UNC13B: variants seen among roughly 807,000 people sequenced by gnomAD.
The protein encoded by UNC13B is unc-13 homolog B.
Under a neutral mutation model 211.0 loss-of-function variants are expected in UNC13B, and 144 were observed. The observed-to-expected ratio is 0.68, with a 90% CI of 0.60 to 0.78. UNC13B has a LOEUF of 0.78. Among genes scored for constraint, UNC13B ranks in the 30% least tolerant of loss-of-function variants. The pLI is 0.00. For missense variants in UNC13B, 1,777 were observed against 2,002.0 expected (o/e 0.89, Z 2.14); for synonymous variants, 709 against 725.8 (o/e 0.98, Z 0.37).
intron 13 of UNC13B, among the ~76,000 whole-genome samples, chr9:35,372,434 G>C (rs1334452912): frequency 6.6e-6 from 1 of 152,258 alleles, no homozygotes; most frequent in Non-Finnish European, 1.5e-5. Flanking sequence ...GCTTGGGCTT[G>C]GCAGATACAT....
chr9:35,341,648 A>C (rs1212079072), intron 11 of UNC13B, among the ~76,000 whole-genome samples: 1 of 152,170 alleles, frequency 6.6e-6, no homozygotes, highest in Non-Finnish European at 1.5e-5. Context: ...GGAGGAGAAG[A>C]ACGAGGGAAG....
chr9:35,288,112 G>T (rs917639484), intron 7 of UNC13B, among the ~76,000 whole-genome samples: 2 of 151,790 alleles, frequency 1.3e-5, no homozygotes, highest in African/African-American at 4.8e-5. Flanking sequence ...TACCCACTCT[G>T]CCACTTCCCT....
chr9:35,295,016 A>G lies in UNC13B; in HGVS notation c.527-680A>G, dbSNP rs567899770. Among the ~76,000 whole-genome samples the G allele has an allele frequency of 2.0e-5, 3 of 152,340 alleles. 1 individual carries two copies. The South Asian group carries it at 6.2e-4, about 32-fold the overall frequency. ...CATAAGTTTTTTCTTCTCTCAGCCCATCCTCTGGATGGGAATTCTGAGCCT... is the reference window on the plus strand; with the variant it reads ...CATAAGTTTTTTCTTCTCTCAGCCCGTCCTCTGGATGGGAATTCTGAGCCT... On this transcript the variant is annotated intron_variant, in intron 7 of 39. Transcript: ENST00000635942.
At chr9:35,389,587 C>T (rs975153043) in intron 24 of UNC13B, among the ~76,000 whole-genome samples, 3 of 152,192 alleles carry the variant, frequency 2.0e-5, no homozygotes, top group African/African-American at 4.8e-5. Flanking sequence ...GGAGGATGGG[C>T]ATCCTTATGT....
chr9:35,190,540 T>C (rs1822597095), intron 1 of UNC13B, among the ~76,000 whole-genome samples: 1 of 152,126 alleles, frequency 6.6e-6, no homozygotes, highest in African/African-American at 2.4e-5. Flanking sequence ...GAAAACAGTT[T>C]TTTTTTCTTC....
At chr9:35,366,793 A>G (rs147761374) in intron 11 of UNC13B, among the ~76,000 whole-genome samples, 154 bp from the exon 12 acceptor site, 120 of 152,204 alleles carry the variant, frequency 7.9e-4, no homozygotes, top group African/African-American at 2.8e-3. Flanking sequence ...GCCCTGACTG[A>G]TCAGGACATT....
At chr9:35,384,095 T>C in intron 21 of UNC13B, 151 bp from the exon 22 acceptor site, 1 of 1,257,968 alleles carries the variant, frequency 7.9e-7, no homozygotes. Flanking sequence ...TTACACTGTT[T>C]GTTGTTCTTC....
chr9:35,202,675 T>G (rs186621523), intron 1 of UNC13B, among the ~76,000 whole-genome samples: 1 of 152,328 alleles, frequency 6.6e-6, no homozygotes, highest in East Asian at 1.9e-4. Flanking sequence ...TTGCAACCTT[T>G]GCTTTTTTTT....
chr9:35,336,721 T>G (rs1831682306), intron 11 of UNC13B, among the ~76,000 whole-genome samples: 1 of 152,200 alleles, frequency 6.6e-6, no homozygotes, highest in Non-Finnish European at 1.5e-5. Flanking sequence ...CTTCATGATC[T>G]GTTCACCTCC....
chr9:35,385,793 A>G lies in UNC13B; in HGVS notation c.10945A>G (p.Ile3649Val). The G allele has an allele frequency of 6.2e-7, 1 of 1,609,026 alleles. No homozygotes were observed. Among genetic ancestry groups the G allele is most frequent in the Non-Finnish European group, 8.5e-7 (1 of 1,175,706 alleles). Residue 3649 changes from isoleucine (I) to valine (V), a missense_variant, in exon 23 of 40, where the codon ATT becomes GTT. Ile to Val is a conservative substitution (Grantham distance 29). Coordinates refer to ENST00000635942, the MANE Select transcript of UNC13B (RefSeq NM_001371189.2). ...ATCCACAGTGGATTTGCTGACCAGC[A>G]TTACTTTCTTCAGAATGAAGGTAAG... ...LKSTVDLLTS[I>V]TFFRMKVQEL...
In UNC13B at chr9:35,197,090, A is replaced by G. The variant is rs146299219; in HGVS notation, c.23-30925A>G. Reference sequence around the variant, plus strand: ...CTGGCCTAAATATTTATTTTAAATTAGCTTCATAATTAGATGAATATCAAG... The same window carrying G: ...CTGGCCTAAATATTTATTTTAAATTGGCTTCATAATTAGATGAATATCAAG... On this transcript the variant is annotated intron_variant, in intron 1 of 39. Transcript: ENST00000635942. Among the ~76,000 whole-genome samples, 345 of 152,346 alleles carry G rather than the reference A, an allele frequency of 2.3e-3. 2 individuals carry two copies. The highest frequency in any genetic ancestry group is 0.017 in the Middle Eastern group (5 of 294).
At chr9:35,232,985 GAGA>G (rs1299832897) in intron 3 of UNC13B, among the ~76,000 whole-genome samples, 3 of 152,168 alleles carry the variant, frequency 2.0e-5, no homozygotes, top group Non-Finnish European at 4.4e-5. Context: ...GGGCTTCAAA[GAGA>G]AGGAGGCCAA....
chr9:35,203,524 T>G (rs1283360312), intron 1 of UNC13B, among the ~76,000 whole-genome samples: 1 of 152,230 alleles, frequency 6.6e-6, no homozygotes, highest in African/African-American at 2.4e-5. Flanking sequence ...TGCCAAGAGA[T>G]CTGCTGTTAG....
chr9:35,313,453 C>T (rs1294129081), intron 10 of UNC13B, among the ~76,000 whole-genome samples: 4 of 151,902 alleles, frequency 2.6e-5, no homozygotes, highest in East Asian at 3.9e-4. Context: ...GGCGAAACAT[C>T]GTCTCTACAA....
In UNC13B at chr9:35,195,760, T is replaced by G. The variant is rs76120688; in HGVS notation, c.23-32255T>G. ...GAGGATTCTGTTTTAAAAAGCTAGA[T>G]CTGTCTGCACAGACAGAATATTCAG... On this transcript the variant is annotated intron_variant, in intron 1 of 39. Transcript: ENST00000635942. Among the ~76,000 whole-genome samples, 762 of 152,362 alleles carry G rather than the reference T, an allele frequency of 5.0e-3. 6 individuals carry two copies. The highest frequency in any genetic ancestry group is 0.013 in the African/African-American group (523 of 41,584).
Position 35,185,694 on chromosome 9 carries a change from C to T in UNC13B, c.22+23389C>T, listed in dbSNP as rs59033959. Among the ~76,000 whole-genome samples, 216 of 151,248 alleles carry T rather than the reference C, an allele frequency of 1.4e-3. 1 individual carries two copies. The highest frequency in any genetic ancestry group is 5.1e-3 in the African/African-American group (208 of 41,164). ...CAGCACTTTGGGAGGCCGAGGTGGG[C>T]GGATCACTTGAGGCCAGGAGTTCGA... is the stretch of plus-strand genomic sequence containing the variant. On this transcript the variant is annotated intron_variant, in intron 1 of 39. Transcript: ENST00000635942.
In UNC13B at chr9:35,398,628, G is replaced by A; in HGVS notation, c.11907G>A (p.Met3969Ile). ...KLNTVLDELS[M>I]VFGNSFQVRI... is the part of the protein sequence containing the mutation. ...ATACGGTTCTGGATGAGCTCAGCAT[G>A]GTGTTTGGAAACAGGTCAGTGACCC... The change falls in exon 32 of 40, where the codon ATG becomes ATA. Residue 3969 changes from methionine to isoleucine, a missense_variant. Met to Ile is a conservative substitution (Grantham distance 10). Coordinates refer to ENST00000635942, the MANE Select transcript of UNC13B (RefSeq NM_001371189.2). 2 of 1,613,986 alleles carry A rather than the reference G, an allele frequency of 1.2e-6. No individual in the cohort carries two copies. Among genetic ancestry groups the A allele is most frequent in the Non-Finnish European group, 1.7e-6 (2 of 1,180,026 alleles).
chr9:35,215,413 AAAAT>A (rs1487392603), intron 1 of UNC13B, among the ~76,000 whole-genome samples: 2 of 152,226 alleles, frequency 1.3e-5, no homozygotes, highest in African/African-American at 2.4e-5. Flanking sequence ...AAACAAACCA[AAAAT>A]AAATAAATAT....
At chr9:35,172,404 T>C (rs1263048577) in intron 1 of UNC13B, among the ~76,000 whole-genome samples, 2 of 152,198 alleles carry the variant, frequency 1.3e-5, no homozygotes, top group African/African-American at 4.8e-5. Context: ...TATCGAATAC[T>C]AGATCTTATT....
Sources: gnomAD v4.1 joint callset for allele counts (sites outside exome capture counted in the v4.1 genomes callset) on GRCh38, gnomAD v4.1.1 for gene constraint, MANE v1.5 for transcripts, NCBI Gene and HGNC (gene_info 2026-07-23, HGNC 2026-07-21) for gene names.